The following MYH11 variants were observed in gnomAD, a reference collection of about 807,000 sequenced individuals.
MYH11 encodes the protein myosin heavy chain 11, also known as myosin-11.
A neutral mutation model predicts 246.6 loss-of-function variants in MYH11; 80 were observed. That is an observed-to-expected ratio of 0.32 (90% CI 0.27 to 0.39). The LOEUF (loss-of-function observed/expected upper bound fraction) is 0.39, where lower values mean the gene tolerates loss of function less well. Ranked by LOEUF, MYH11 falls within the 10% of genes least tolerant of loss-of-function variation. The probability of loss-of-function intolerance (pLI) is 1.00; values close to 1 mark genes in which losing one functional copy is unlikely to be tolerated. For synonymous variants in MYH11, 1,071 were observed against 1,015.5 expected, an observed-to-expected ratio of 1.05 and a Z score of -1.04; for missense variants, 2,158 against 2,546.8, an observed-to-expected ratio of 0.85 and a Z score of 3.29.
Position 15,750,399 on chromosome 16 carries a change from C to T in MYH11, c.1865-68G>A, listed in dbSNP as rs1355899081. Reference sequence around the variant, plus strand: ...ACCCCTAAATAGGCCAGAGGCTCAGCCCCAGCCCCACCCACCAACCTGCCC... The same window carrying T: ...ACCCCTAAATAGGCCAGAGGCTCAGTCCCAGCCCCACCCACCAACCTGCCC... On this transcript the variant is annotated intron_variant, in intron 15 of 40. Coordinates refer to ENST00000300036, the MANE Select transcript of MYH11 (RefSeq NM_002474.3). This position sits in a 1 kb window ranked among gnomAD's most constrained non-coding sequence, Gnocchi z 4.3. 5 of 1,475,172 alleles carry T rather than the reference C, an allele frequency of 3.4e-6. No individual in the cohort carries two copies. Among genetic ancestry groups the T allele is most frequent in the Non-Finnish European group, 4.6e-6 (5 of 1,089,832 alleles). 91.4% of individuals were successfully genotyped at this position (1,475,172 alleles called of 1,614,324 possible).
chr16:15,832,088 G>A (rs1415564624), intron 2 of MYH11, among the ~76,000 whole-genome samples: 1 of 152,110 alleles, frequency 6.6e-6, no homozygotes, highest in Non-Finnish European at 1.5e-5. Flanking sequence ...GTGTCCCCGG[G>A]TGGACACTGC....
intron 4 of MYH11, among the ~76,000 whole-genome samples, chr16:15,790,786 C>A (rs1201952157): frequency 6.6e-6 from 1 of 151,936 alleles, no homozygotes; most frequent in Admixed American, 6.6e-5. Context: ...CAGTCCAGCC[C>A]CAGCAGCTGG....
chr16:15,814,408 C>T (rs2043211115), intron 3 of MYH11, among the ~76,000 whole-genome samples: 1 of 151,538 alleles, frequency 6.6e-6, no homozygotes, highest in African/African-American at 2.4e-5. Flanking sequence ...CAAAAATTAG[C>T]CGGGTGTGGT....
In MYH11 at chr16:15,823,388, C is replaced by A. The variant is rs1244058062; in HGVS notation, c.369G>T (p.Val123=). Residue 123 remains valine (V), a synonymous_variant, in exon 3 of 41, where the codon GTG becomes GTT. Transcript: ENST00000300036. ...GCAGGTGTTTATAGGGGTTGACCACCACGCAGAAGAGGCCAGAGTACGTCT... is the reference window on the plus strand; with the variant it reads ...GCAGGTGTTTATAGGGGTTGACCACAACGCAGAAGAGGCCAGAGTACGTCT... ...LIYTYSGLFC[V]VVNPYKHLPI... 1 of 1,614,138 alleles carries A rather than the reference C, an allele frequency of 6.2e-7. No homozygotes were observed. The highest frequency in any genetic ancestry group is 1.7e-5 in the Admixed American group (1 of 59,986).
At chr16:15,756,637 A>G (rs2041725214) in intron 13 of MYH11, 123 bp from the exon 14 acceptor site, 4 of 1,009,914 alleles carry the variant, frequency 4.0e-6, no homozygotes, top group Non-Finnish European at 6.1e-6. Flanking sequence ...ATTTGCCCAC[A>G]TATAAAGATG....
chr16:15,798,518 T>A, intron 4 of MYH11, 142 bp downstream of exon 4: 2 of 850,578 alleles, frequency 2.4e-6, no homozygotes. Context: ...TGGTGCCAGG[T>A]ATAAAGAGAG....
In MYH11 at chr16:15,726,839, C is replaced by T. The variant is rs2151225101; in HGVS notation, c.3858+9G>A. Reference sequence around the variant, plus strand: ...CACTGCCCACCACACCACCGCGCCACCTCCTCACCTGCAGCTTGTGGACTT... The same window carrying T: ...CACTGCCCACCACACCACCGCGCCATCTCCTCACCTGCAGCTTGTGGACTT... On this transcript the variant is annotated intron_variant, in intron 28 of 40. Transcript: ENST00000300036. The T allele has an allele frequency of 1.2e-6, 2 of 1,611,534 alleles. No homozygotes were observed. Among genetic ancestry groups the T allele is most frequent in the Non-Finnish European group, 1.7e-6 (2 of 1,179,948 alleles).
chr16:15,788,206 T>C (rs1201143567), intron 4 of MYH11, among the ~76,000 whole-genome samples: 1 of 151,466 alleles, frequency 6.6e-6, no homozygotes, highest in Non-Finnish European at 1.5e-5. Context: ...TAGTGAAAGA[T>C]AAGGACAGTG....
At chr16:15,731,517 C>T (rs867830280) in intron 27 of MYH11, among the ~76,000 whole-genome samples, 7 of 150,196 alleles carry the variant, frequency 4.7e-5, no homozygotes, top group Non-Finnish European at 7.4e-5. Flanking sequence ...TTTGAGATGG[C>T]GGCTCACTCT....
chr16:15,847,573 T>A (rs1284959260), intron 1 of MYH11, among the ~76,000 whole-genome samples: 1 of 152,146 alleles, frequency 6.6e-6, no homozygotes, highest in Non-Finnish European at 1.5e-5. Flanking sequence ...CTCTTCCTAA[T>A]TGCCATGTGG....
intron 1 of MYH11, among the ~76,000 whole-genome samples, chr16:15,855,316 A>C (rs2044436665): frequency 6.6e-6 from 1 of 152,180 alleles, no homozygotes; most frequent in Non-Finnish European, 1.5e-5. Flanking sequence ...TTTTATTTTA[A>C]ATGTGCAAAA....
intron 8 of MYH11, among the ~76,000 whole-genome samples, chr16:15,773,575 C>T (rs770967898): frequency 4.6e-5 from 7 of 152,074 alleles, no homozygotes; most frequent in South Asian, 2.1e-4. Flanking sequence ...TGTGAGCCAC[C>T]GTGCCCAGCC....
At chr16:15,795,198 C>G (rs28667480) in intron 4 of MYH11, among the ~76,000 whole-genome samples, 7,933 of 152,108 alleles carry the variant, frequency 0.052, 725 homozygotes, top group African/African-American at 0.18. Flanking sequence ...GAAGCTGAGG[C>G]AGGAGAATTG....
At chr16:15,763,220 A>G (rs1296608720) in intron 10 of MYH11, among the ~76,000 whole-genome samples, 2 of 152,234 alleles carry the variant, frequency 1.3e-5, no homozygotes, top group African/African-American at 4.8e-5. Flanking sequence ...CCTAATTCTC[A>G]GGGCAATTGA....
chr16:15,850,720 C>A (rs1388723318), intron 1 of MYH11, among the ~76,000 whole-genome samples: 2 of 151,962 alleles, frequency 1.3e-5, no homozygotes, highest in African/African-American at 4.8e-5. Context: ...CATGGTGAAA[C>A]CCCATCTCTA....
intron 3 of MYH11, among the ~76,000 whole-genome samples, chr16:15,807,010 T>C (rs2043029876): frequency 6.6e-6 from 1 of 152,168 alleles, no homozygotes; most frequent in African/African-American, 2.4e-5. Context: ...ATGCCCAGGC[T>C]GAAGTGCAGT....
chr16:15,841,011 T>C (rs61611600), intron 1 of MYH11, among the ~76,000 whole-genome samples: 26,617 of 152,218 alleles, frequency 0.17, 3,066 homozygotes, highest in East Asian at 0.45. Flanking sequence ...AATATTATAC[T>C]AGGGTTCTAT....
At position 15,756,519 on chromosome 16, in the gene MYH11, G is replaced by A; in HGVS notation, c.1576-5C>T. 1.2e-6 allele frequency: 2 copies of A among 1,614,118 alleles called. No homozygotes were observed. The highest frequency in any genetic ancestry group is 1.7e-6 in the Non-Finnish European group (2 of 1,180,020). On this transcript the variant is annotated splice_region_variant and splice_polypyrimidine_tract_variant and intron_variant, in intron 13 of 40. Coordinates refer to ENST00000300036, the MANE Select transcript of MYH11 (RefSeq NM_002474.3). ...CAGCACACCTGGAGGGTTGTTCTGT[G>A]GGAGACAAGTAGGGCTTGAATCAGA...
rs201754049 is a variant in MYH11 at position 15,717,314 on chromosome 16, C to T, written c.5330G>A (p.Arg1777His). 1.2e-5 allele frequency: 19 copies of T among 1,611,260 alleles called. No individual in the cohort carries two copies. The highest frequency in any genetic ancestry group is 8.0e-5 in the African/African-American group (6 of 75,074). The part of the protein sequence containing the change: ...EQLSNELATE[R>H]STAQKNESAR... ...ACTCTCATTCTTCTGGGCCGTGCTG[C>T]GCTCTGTGGCCAGCTCGTTGCTGAG... Residue 1777 changes from arginine to histidine, a missense_variant, in exon 38 of 41, where the codon CGC becomes CAC. By Grantham distance (29) the Arg-to-His change is conservative. This residue lies in a region of MYH11 where 1,013 missense variants were observed against 993.5 expected (regional missense o/e 1.02). Transcript: ENST00000300036.
Sources: allele counts gnomAD v4.1 joint callset (sites outside exome capture counted in the v4.1 genomes callset), GRCh38; gene constraint gnomAD v4.1.1; regional missense constraint gnomAD v4.1.1; non-coding constraint Gnocchi (gnomAD v3.1); transcripts MANE v1.5; gene names NCBI Gene and HGNC (gene_info 2026-07-23, HGNC 2026-07-21).